FER1L6: variants seen among roughly 807,000 people sequenced by gnomAD.
FER1L6 encodes fer-1 like family member 6.
Under a neutral mutation model 219.2 loss-of-function variants are expected in FER1L6, and 177 were observed. That is an observed-to-expected ratio of 0.81 (90% CI 0.71 to 0.91). FER1L6 has a LOEUF of 0.91. Ranked by LOEUF, FER1L6 falls within the 40% of genes least tolerant of loss-of-function variation. The pLI is 0.00. For synonymous variants in FER1L6, 768 were observed against 824.3 expected, an observed-to-expected ratio of 0.93 and a Z score of 1.17; for missense variants, 2,153 against 2,259.9, an observed-to-expected ratio of 0.95 and a Z score of 0.96.
chr8:124,096,849 G>C (rs1822316093), intron 35 of FER1L6, among the ~76,000 whole-genome samples: 1 of 152,092 alleles, frequency 6.6e-6, no homozygotes, highest in African/African-American at 2.4e-5. Flanking sequence ...TCAACACAAG[G>C]GTTGAATCCG....
At chr8:123,976,873 G>A (rs897243225) in intron 9 of FER1L6, among the ~76,000 whole-genome samples, 3 of 152,184 alleles carry the variant, frequency 2.0e-5, no homozygotes, top group Admixed American at 6.5e-5. Flanking sequence ...GCCTGTGTAC[G>A]TGGTCAGAGA....
At position 123,854,000 on chromosome 8, in the gene FER1L6, C is replaced by T. The variant is rs151003806; in HGVS notation, c.-8+1815C>T. Among the ~76,000 whole-genome samples, 332 of 152,282 alleles carry T rather than the reference C, an allele frequency of 2.2e-3. 2 individuals are homozygous for T. The highest frequency in any genetic ancestry group is 7.6e-3 in the African/African-American group (315 of 41,560). On this transcript the variant is annotated intron_variant, in intron 1 of 40. Coordinates refer to ENST00000522917, the MANE Select transcript of FER1L6 (RefSeq NM_001039112.2). The surrounding 1 kb of genome is among the most constrained non-coding windows in gnomAD (Gnocchi z 6.6). ...TCAGGGACCGTGATTAGAAAGTTTACGTCTGAGTGCTGGCCCTTCAGTAAA... is the reference window on the plus strand; with the variant it reads ...TCAGGGACCGTGATTAGAAAGTTTATGTCTGAGTGCTGGCCCTTCAGTAAA...
At chr8:124,082,606 C>G (rs10956163) in intron 33 of FER1L6, 148 bp downstream of exon 33, 526,790 of 640,882 alleles carry the variant, frequency 0.82, 218,318 homozygotes, top group Non-Finnish European at 0.86. Flanking sequence ...ATCAGCAGAG[C>G]TGGCTTGGGG....
Position 124,119,756 on chromosome 8 carries a change from G to C in FER1L6, c.5540G>C (p.Gly1847Ala), listed in dbSNP as rs1160243212. 1.9e-6 allele frequency: 3 copies of C among 1,613,996 alleles called. No individual in the cohort carries two copies. Among genetic ancestry groups the C allele is most frequent in the Non-Finnish European group, 1.7e-6 (2 of 1,179,970 alleles). ...GTCCTTTTCATCTACACCTTGCCAG[G>C]AGCCATCAGCCGAAGGATCGTTGTG... ...FLVLFIYTLP[G>A]AISRRIVVGS is the part of the protein sequence containing the mutation. The change falls in exon 41 of 41, where the codon GGA becomes GCA. Residue 1847 changes from glycine (G) to alanine (A), a missense_variant. By Grantham distance (60) the Gly-to-Ala change is moderately conservative. Coordinates refer to ENST00000522917, the MANE Select transcript of FER1L6 (RefSeq NM_001039112.2).
chr8:123,858,390 G>A (rs1816684986), intron 1 of FER1L6, among the ~76,000 whole-genome samples: 1 of 152,212 alleles, frequency 6.6e-6, no homozygotes, highest in Non-Finnish European at 1.5e-5. Flanking sequence ...TTTGGAAGAT[G>A]TATTAGTTAA....
intron 27 of FER1L6, 52 bp downstream of exon 27, chr8:124,066,602 C>G: frequency 6.3e-7 from 1 of 1,596,912 alleles, no homozygotes; most frequent in Non-Finnish European, 8.5e-7. Context: ...GGAAACACAG[C>G]ACCTTCTCCT....
intron 1 of FER1L6, among the ~76,000 whole-genome samples, chr8:123,863,655 T>TG (rs1233976551): frequency 6.9e-6 from 1 of 144,212 alleles, no homozygotes; most frequent in Non-Finnish European, 1.5e-5. Flanking sequence ...TTTATGAATC[T>TG]GGGTGCTCCT....
intron 11 of FER1L6, 143 bp from the exon 12 acceptor site, chr8:123,985,925 G>T: frequency 1.7e-6 from 1 of 601,638 alleles, no homozygotes; most frequent in East Asian, 2.8e-5. Flanking sequence ...TGTCTTATTT[G>T]GGGGGAAACG....
chr8:123,938,533 T>A (rs113082977), intron 1 of FER1L6, among the ~76,000 whole-genome samples: 8 of 140,050 alleles, frequency 5.7e-5, no homozygotes, highest in African/African-American at 2.1e-4. Context: ...TTATACAATT[T>A]ACCTGAAATT....
rs189076672 is a variant in FER1L6 at position 124,107,049 on chromosome 8, C to T, written c.5289+3740C>T. 7.6e-3 allele frequency among the ~76,000 whole-genome samples: 1,143 copies of T among 151,002 alleles called. 21 individuals are homozygous for T. The highest frequency in any genetic ancestry group is 0.027 in the African/African-American group (1,088 of 40,994). The stretch of plus-strand genomic sequence containing the variant: ...CTGCAAGCTCCACCTCCCGGGTTCA[C>T]GCCATTCTCCTGTCTCAGCCTCCCT... On this transcript the variant is annotated intron_variant, in intron 39 of 40. Coordinates refer to ENST00000522917, the MANE Select transcript of FER1L6 (RefSeq NM_001039112.2).
intron 31 of FER1L6, 127 bp downstream of exon 31, chr8:124,071,758 TC>T: frequency 8.1e-7 from 1 of 1,227,094 alleles, no homozygotes; most frequent in Non-Finnish European, 1.1e-6. Context: ...ATGCCATAAG[TC>T]TATAATCAAG....
At chr8:123,856,051 CAT>C (rs1360212024) in intron 1 of FER1L6, among the ~76,000 whole-genome samples, 2 of 130,766 alleles carry the variant, frequency 1.5e-5, no homozygotes, top group African/African-American at 5.6e-5. Flanking sequence ...TATGTATATA[CAT>C]ATGTGTATGA....
intron 32 of FER1L6, among the ~76,000 whole-genome samples, chr8:124,079,359 T>C (rs895488819): frequency 1.3e-5 from 2 of 152,216 alleles, no homozygotes; most frequent in African/African-American, 4.8e-5. Context: ...TATGAGATTA[T>C]TGTTTTTGCT....
chr8:123,896,173 CAG>C, intron 1 of FER1L6, among the ~76,000 whole-genome samples: 2 of 152,254 alleles, frequency 1.3e-5, no homozygotes, highest in African/African-American at 4.8e-5. Flanking sequence ...CAGGGATAGA[CAG>C]GAGAGTGGTG....
intron 1 of FER1L6, among the ~76,000 whole-genome samples, chr8:123,951,217 G>T (rs544377847): frequency 6.6e-6 from 1 of 152,278 alleles, no homozygotes; most frequent in East Asian, 1.9e-4. Flanking sequence ...CCGAGCCTTT[G>T]TCCCATCACT....
At chr8:123,943,649 C>T (rs928351909) in intron 1 of FER1L6, among the ~76,000 whole-genome samples, 2 of 152,128 alleles carry the variant, frequency 1.3e-5, no homozygotes, top group African/African-American at 4.8e-5. Flanking sequence ...ATGAGTGCTT[C>T]TGGGCACAGT....
At chr8:124,117,486 CA>C (rs1823296406) in intron 39 of FER1L6, among the ~76,000 whole-genome samples, 1 of 152,176 alleles carries the variant, frequency 6.6e-6, no homozygotes. Context: ...TAAGATTTCT[CA>C]ATGGGAATGA....
chr8:123,925,749 G>A (rs1813540894), intron 1 of FER1L6: 1 of 152,320 alleles, frequency 6.6e-6, no homozygotes, highest in South Asian at 2.1e-4. Flanking sequence ...GCCGTCTGGG[G>A]TTGTTTGGTC....
intron 1 of FER1L6, among the ~76,000 whole-genome samples, chr8:123,877,231 T>C (rs1318435377): frequency 6.6e-6 from 1 of 152,266 alleles, no homozygotes; most frequent in Non-Finnish European, 1.5e-5. Context: ...TTTTCAATTA[T>C]TGCTGATTCA....
Sources: allele counts gnomAD v4.1 joint callset (sites outside exome capture counted in the v4.1 genomes callset), GRCh38; gene constraint gnomAD v4.1.1; non-coding constraint Gnocchi (gnomAD v3.1); transcripts MANE v1.5; gene names NCBI Gene and HGNC (gene_info 2026-07-23, HGNC 2026-07-21).